The following TUBB8B variants were observed in gnomAD, a reference collection of about 807,000 sequenced individuals.
TUBB8B encodes tubulin beta 8B, also known as HSA18p11 beta-tubulin 4Q pseudogene.
Under a neutral mutation model 31.9 loss-of-function variants are expected in TUBB8B, and 26 were observed. The observed-to-expected ratio is 0.81, with a 90% confidence interval of 0.60 to 1.13. The LOEUF is 1.13. Among genes scored for constraint, TUBB8B ranks in the 50% most tolerant of loss-of-function variants. The probability of loss-of-function intolerance (pLI) is 0.00; values close to 1 mark genes in which losing one functional copy is unlikely to be tolerated. For missense variants in TUBB8B, 467 were observed against 586.7 expected (o/e 0.80, Z 2.11); for synonymous variants, 173 against 231.0 (o/e 0.75, Z 2.28).
At chr18:72,196 A>AAAAAAAAAAAAAACAAC in the TUBB8B span, among the ~76,000 whole-genome samples, 6 of 84,536 alleles carry the variant, frequency 7.1e-5, 1 homozygote, top group African/African-American at 1.2e-4. Context: ...AAAAAAAAAA[A>AAAAAAAAAAAAAACAAC]AAAGGAAAAA....
Position 48,146 on chromosome 18 carries a change from T to G in TUBB8B, c.579A>C (p.Ile193=), listed in dbSNP as rs1428703257. 1 of 1,614,008 alleles carries G rather than the reference T, an allele frequency of 6.2e-7. No homozygotes were observed. Among genetic ancestry groups the G allele is most frequent in the Non-Finnish European group, 8.5e-7 (1 of 1,179,940 alleles). The change falls in exon 4 of 4, where the codon ATA becomes ATC. Residue 193 remains isoleucine, a synonymous_variant. Coordinates refer to ENST00000308911, the MANE Select transcript of TUBB8B (RefSeq NM_001358689.2). ...TGCAGAAGGTCTCATCCGCGTTTTC[T>G]ATGAGCTGGTGGACTGAGAGGGTGG... ...YNATLSVHQL[I]ENADETFCID...
the TUBB8B span, among the ~76,000 whole-genome samples, chr18:63,598 T>C: frequency 2.6e-4 from 39 of 150,402 alleles, no homozygotes; most frequent in African/African-American, 8.2e-4. Context: ...TTGGCTACCA[T>C]ATAACTTTAT....
In TUBB8B at chr18:49,214, T is replaced by C. The variant is rs1237962303; in HGVS notation, c.81A>G (p.Glu27=). The change falls in exon 2 of 4, where the codon GAA becomes GAG. Residue 27 remains glutamate, a synonymous_variant. Transcript: ENST00000308911. The stretch of plus-strand genomic sequence containing the variant: ...AGGTGCCAGCGGAGTCGATGGCATG[T>C]TCATCAGAGATCACCTCCCAGAACT... The part of the protein sequence containing the change: ...GAKFWEVISD[E]HAIDSAGTYH... 6.5e-7 allele frequency: 1 copy of C among 1,536,654 alleles called. No individual in the cohort carries two copies. Among genetic ancestry groups the C allele is most frequent in the East Asian group, 2.5e-5 (1 of 40,548 alleles).
rs770421335 is a variant in TUBB8B at position 49,019 on chromosome 18, C to T, written c.198G>A (p.Val66=). The T allele has an allele frequency of 4.8e-5, 78 of 1,609,184 alleles. 1 individual carries two copies. The highest frequency in any genetic ancestry group is 2.2e-5 in the East Asian group (1 of 44,716). The change falls in exon 3 of 4, where the codon GTG becomes GTA. Residue 66 remains valine, a synonymous_variant. Coordinates refer to ENST00000308911, the MANE Select transcript of TUBB8B (RefSeq NM_001358689.2). ...GGRYVPRAVL[V]DLEPGTMDSV... ...AGTCCATGGTGCCCGGCTCCAGATC[C>T]ACGAGCACAGCGCGGGGCACGTACC...
chr18:56,569 A>G, the TUBB8B span, among the ~76,000 whole-genome samples: 2 of 151,448 alleles, frequency 1.3e-5, no homozygotes, highest in African/African-American at 4.8e-5. Flanking sequence ...ATTTTGTTTT[A>G]TTTGTGGCTA....
the TUBB8B span, among the ~76,000 whole-genome samples, chr18:62,130 T>A: frequency 2.0e-5 from 3 of 151,878 alleles, no homozygotes; most frequent in South Asian, 6.2e-4. Context: ...AAAGTCTTTT[T>A]TTTTCCTTCA....
chr18:69,315 T>C, the TUBB8B span, among the ~76,000 whole-genome samples: 1 of 152,040 alleles, frequency 6.6e-6, no homozygotes, highest in South Asian at 2.1e-4. Flanking sequence ...AAAACAAAAA[T>C]TAGCTGAGCA....
chr18:68,055 AC>A, the TUBB8B span, among the ~76,000 whole-genome samples: 1 of 152,154 alleles, frequency 6.6e-6, no homozygotes, highest in Non-Finnish European at 1.5e-5. Context: ...CCAGACTCTT[AC>A]CGGGGTGCTT....
At chr18:49,442 A>T in intron 1 of TUBB8B, 59 bp downstream of exon 1, 1 of 933,066 alleles carries the variant, frequency 1.1e-6, no homozygotes, top group Non-Finnish European at 1.7e-6. Flanking sequence ...GCCACTGCCA[A>T]CATCTTCCCC....
At chr18:68,668 C>A in the TUBB8B span, among the ~76,000 whole-genome samples, 4 of 152,164 alleles carry the variant, frequency 2.6e-5, no homozygotes, top group South Asian at 4.1e-4. Context: ...TGGCAAAATT[C>A]TCATTTTCAA....
At chr18:63,181 G>A in the TUBB8B span, among the ~76,000 whole-genome samples, 1 of 151,712 alleles carries the variant, frequency 6.6e-6, no homozygotes, top group South Asian at 2.1e-4. Context: ...GGATGGCCTT[G>A]ATACTTGTAG....
rs752972576 is a variant in TUBB8B, at chr18:47,803, C to T, written c.922G>A (p.Gly308Ser). ...ATGGCAGCCACCGTTAGGTAGCAGC[C>T]GTGACGGGGGTCACAGGCAGCCATC... Reference protein sequence around the residue: ...NMMAACDPRHGCYLTVAAIFR... With the variant: ...NMMAACDPRHSCYLTVAAIFR... Residue 308 changes from glycine (G) to serine (S), a missense_variant, in exon 4 of 4, where the codon GGC becomes AGC. Physicochemically the swap from Gly to Ser is moderately conservative, Grantham distance 56. Coordinates refer to ENST00000308911, the MANE Select transcript of TUBB8B (RefSeq NM_001358689.2). The T allele has an allele frequency of 6.2e-6, 10 of 1,611,904 alleles. No homozygotes were observed. Among genetic ancestry groups the T allele is most frequent in the African/African-American group, 1.3e-5 (1 of 75,010 alleles).
At chr18:70,102 C>T in the TUBB8B span, among the ~76,000 whole-genome samples, 3 of 152,240 alleles carry the variant, frequency 2.0e-5, no homozygotes, top group East Asian at 1.9e-4. Flanking sequence ...TGCAGTCAGC[C>T]GAGATCTCCA....
chr18:47,740 G>T lies in TUBB8B; in HGVS notation c.985C>A (p.Gln329Lys). 1 of 1,610,914 alleles carries T rather than the reference G, an allele frequency of 6.2e-7. No homozygotes were observed. Among genetic ancestry groups the T allele is most frequent in the Non-Finnish European group, 8.5e-7 (1 of 1,178,634 alleles). ...TTCTTATCTTGAATGTTGAACATTTGTTCATCCACCTCCCTCATGGGCATG... is the reference window on the plus strand; with the variant it reads ...TTCTTATCTTGAATGTTGAACATTTTTTCATCCACCTCCCTCATGGGCATG... Reference protein sequence around the residue: ...GRMPMREVDEQMFNIQDKNSS... With the variant: ...GRMPMREVDEKMFNIQDKNSS... Residue 329 changes from glutamine to lysine, a missense_variant, in exon 4 of 4, where the codon CAA becomes AAA. Physicochemically the swap from Gln to Lys is moderately conservative, Grantham distance 53. Coordinates refer to ENST00000308911, the MANE Select transcript of TUBB8B (RefSeq NM_001358689.2).
Position 49,061 on chromosome 18 carries a change from C to T in TUBB8B, c.167-11G>A. 5 of 1,584,136 alleles carry T rather than the reference C, an allele frequency of 3.2e-6. No homozygotes were observed. Among genetic ancestry groups the T allele is most frequent in the South Asian group, 1.1e-5 (1 of 90,236 alleles). Reference sequence around the variant, plus strand: ...GCACGTACCTGCCACCTGCGTGGGGCGGGAGGGCATGAGCGAGGGGAGGGC... The same window carrying T: ...GCACGTACCTGCCACCTGCGTGGGGTGGGAGGGCATGAGCGAGGGGAGGGC... On this transcript the variant is annotated splice_polypyrimidine_tract_variant and intron_variant, in intron 2 of 3. Transcript: ENST00000308911.
At chr18:63,698 T>A in the TUBB8B span, among the ~76,000 whole-genome samples, 19 of 130,626 alleles carry the variant, frequency 1.5e-4, no homozygotes, top group Non-Finnish European at 2.8e-4. Flanking sequence ...CCCCTAACCC[T>A]AACCCTAACC....
At chr18:71,647 G>C in the TUBB8B span, among the ~76,000 whole-genome samples, 1 of 149,648 alleles carries the variant, frequency 6.7e-6, no homozygotes, top group Non-Finnish European at 1.5e-5. Context: ...ACTTTGGAAG[G>C]CCAAGGCGGG....
upstream of TUBB8B, chr18:50,208 G>C: frequency 4.2e-6 from 1 of 238,072 alleles, no homozygotes; most frequent in South Asian, 5.3e-5. Context: ...GCTGAGGATA[G>C]GTGTTGGGTT....
the TUBB8B span, among the ~76,000 whole-genome samples, chr18:65,105 C>T: frequency 1.3e-5 from 2 of 151,886 alleles, no homozygotes; most frequent in East Asian, 1.9e-4. Context: ...GTTTGAGACC[C>T]GTCTTGCCAA....
Sources: gnomAD v4.1 joint callset for allele counts (sites outside exome capture counted in the v4.1 genomes callset) on GRCh38, gnomAD v4.1.1 for gene constraint, MANE v1.5 for transcripts, NCBI Gene and HGNC (gene_info 2026-07-23, HGNC 2026-07-21) for gene names.